The following BBOF1 variants were observed in gnomAD, a reference collection of about 807,000 sequenced individuals.
BBOF1 encodes basal body-orientation factor 1.
Under a neutral mutation model 68.0 loss-of-function variants are expected in BBOF1, and 62 were observed. The observed-to-expected ratio is 0.91, with a 90% confidence interval of 0.74 to 1.13. The LOEUF is 1.13. Ranked by LOEUF, BBOF1 falls within the 50% of genes most tolerant of loss-of-function variation. BBOF1 has a pLI of 0.00. For synonymous variants in BBOF1, 208 were observed against 198.8 expected, an observed-to-expected ratio of 1.05 and a Z score of -0.39; for missense variants, 534 against 600.1, an observed-to-expected ratio of 0.89 and a Z score of 1.15.
intron 9 of BBOF1, among the ~76,000 whole-genome samples, chr14:74,056,238 T>C (rs572818220): frequency 2.9e-4 from 43 of 147,822 alleles, no homozygotes; most frequent in African/African-American, 1.0e-3. Flanking sequence ...TCTCATTCTG[T>C]TGCCCAGGCT....
chr14:74,068,166 C>G (rs921312481), downstream of BBOF1, among the ~76,000 whole-genome samples: 2 of 150,256 alleles, frequency 1.3e-5, no homozygotes, highest in African/African-American at 4.9e-5. Context: ...GGGTGGATCA[C>G]TTGAGGTCAG....
rs754584299 is a variant in BBOF1, at chr14:74,022,897, A to G, written c.57-19A>G. ...TTGTATAAATAGTCATATACTGTCA[A>G]TATCCTCTTCCCATGCAGGAAGTTA... On this transcript the variant is annotated intron_variant, in intron 1 of 11. Coordinates refer to ENST00000394009, the MANE Select transcript of BBOF1 (RefSeq NM_025057.3). 46 of 1,439,046 alleles carry G rather than the reference A, an allele frequency of 3.2e-5. No homozygotes were observed. Among genetic ancestry groups the G allele is most frequent in the Non-Finnish European group, 4.3e-5 (44 of 1,029,834 alleles). The allele number at this position is 1,439,046 out of a possible 1,614,324, so 89.1% of individuals were successfully genotyped here. A position where few individuals can be genotyped will look rare whatever the true frequency, so the allele number is the denominator to read the frequency against.
At chr14:74,081,360 G>A (rs1471912378) in intron 12 of BBOF1, 2 of 152,164 alleles carry the variant, frequency 1.3e-5, no homozygotes, top group Non-Finnish European at 2.9e-5. Flanking sequence ...GTACTCTCAA[G>A]TTGGCAGACA....
At chr14:74,071,055 A>G (rs2060542254), downstream of BBOF1, 10 of 897,262 alleles carry the variant, frequency 1.1e-5, no homozygotes, top group Admixed American at 1.5e-4. Context: ...TGGCAAAATC[A>G]TCAACAAACA....
intron 9 of BBOF1, 48 bp from the exon 10 acceptor site, chr14:74,056,858 G>A (rs766671209): frequency 7.9e-7 from 1 of 1,270,354 alleles, no homozygotes; most frequent in Admixed American, 1.9e-5. Context: ...GAAGGCATGA[G>A]GAGACACTGC....
downstream of BBOF1, chr14:74,067,027 G>T: frequency 1.2e-6 from 1 of 817,038 alleles, no homozygotes; most frequent in Non-Finnish European, 2.0e-6. Flanking sequence ...ACCAGCCTGG[G>T]CAACAAAGTG....
chr14:74,082,378 G>A (rs1297337834), intron 12 of BBOF1, among the ~76,000 whole-genome samples: 2 of 148,666 alleles, frequency 1.3e-5, no homozygotes, highest in Non-Finnish European at 3.0e-5. Flanking sequence ...AATATTCATG[G>A]CTGCCAAAAT....
chr14:74,049,062 C>T (rs2060011488), intron 7 of BBOF1, among the ~76,000 whole-genome samples: 1 of 151,996 alleles, frequency 6.6e-6, no homozygotes, highest in African/African-American at 2.4e-5. Flanking sequence ...TTAGTAGAGA[C>T]AGGGTTTTGC....
At chr14:74,061,227 C>T (rs1165096095) in intron 11 of BBOF1, among the ~76,000 whole-genome samples, 1 of 152,152 alleles carries the variant, frequency 6.6e-6, no homozygotes. Flanking sequence ...ATCCGCCTTC[C>T]TCGGCCTCTC....
rs181083003 is a variant in BBOF1, at chr14:74,020,584, A to G, written c.56+1050A>G. 4.0e-3 allele frequency among the ~76,000 whole-genome samples: 612 copies of G among 151,894 alleles called. 3 individuals are homozygous for G. Among genetic ancestry groups the G allele is most frequent in the Non-Finnish European group, 5.0e-3 (342 of 67,940 alleles). ...AATGGCACGATCTCAGCTCACTGCA[A>G]CCTCTGCCTTCTGGGTTCAACCAAT... On this transcript the variant is annotated intron_variant, in intron 1 of 11. Transcript: ENST00000394009.
At chr14:74,029,682 C>CAA (rs1179777105) in intron 3 of BBOF1, among the ~76,000 whole-genome samples, 1,037 of 104,358 alleles carry the variant, frequency 9.9e-3, no homozygotes, top group Non-Finnish European at 0.018. Context: ...AACTTCATCT[C>CAA]AAAAAAAAAA....
chr14:74,070,795 C>T (rs138459696), downstream of BBOF1: 6 of 213,748 alleles, frequency 2.8e-5, no homozygotes, highest in Non-Finnish European at 4.7e-5. Context: ...GCACTAGGAA[C>T]GGTGCCTGAA....
chr14:74,023,805 A>G (rs1595003975), intron 2 of BBOF1, among the ~76,000 whole-genome samples: 1 of 151,716 alleles, frequency 6.6e-6, no homozygotes, highest in East Asian at 1.9e-4. Context: ...AGTCCCAGCT[A>G]CTCGGGAGGC....
chr14:74,079,185 A>T (rs1421137393), intron 10 of BBOF1, among the ~76,000 whole-genome samples: 1 of 151,596 alleles, frequency 6.6e-6, no homozygotes, highest in East Asian at 1.9e-4. Context: ...GGCACATGTT[A>T]AAAAAAGGTG....
At chr14:74,063,321 G>A (rs969413272) in intron 11 of BBOF1, among the ~76,000 whole-genome samples, 1 of 151,612 alleles carries the variant, frequency 6.6e-6, no homozygotes, top group African/African-American at 2.4e-5. Context: ...CGAGTAGCTG[G>A]GATTATAGGC....
rs61144661 is a variant in BBOF1 at position 74,052,357 on chromosome 14, C to A, written c.1286+2162C>A. Among the ~76,000 whole-genome samples the A allele has an allele frequency of 2.1e-3, 320 of 151,640 alleles. 10 individuals are homozygous for A. Among genetic ancestry groups the A allele is most frequent in the African/African-American group, 7.2e-3 (294 of 41,098 alleles). ...GGCAGAAATGGTGGTTAACATATTA[C>A]ATCATCGGGCTGGGCGCAGTGGCTC... On this transcript the variant is annotated intron_variant, in intron 8 of 11. Transcript: ENST00000394009.
At position 74,065,321 on chromosome 14, in the gene BBOF1, C is replaced by T. The variant is rs1372046241; in HGVS notation, c.*622C>T. 6.2e-7 allele frequency: 1 copy of T among 1,614,080 alleles called. No individual in the cohort carries two copies. The highest frequency in any genetic ancestry group is 8.5e-7 in the Non-Finnish European group (1 of 1,180,004). ...GTTTCTGTCTCCAGAACCACAAGAA[C>T]TGGACCAAAAATCTCCTCTTTGTAA... On this transcript the variant is annotated 3_prime_UTR_variant, in exon 12 of 12. Transcript: ENST00000394009.
At chr14:74,054,339 G>T (rs1380427979) in intron 8 of BBOF1, among the ~76,000 whole-genome samples, 1 of 149,198 alleles carries the variant, frequency 6.7e-6, no homozygotes. Flanking sequence ...TGTTCCCTTT[G>T]TCTGTGTCTC....
intron 5 of BBOF1, among the ~76,000 whole-genome samples, chr14:74,043,481 C>T (rs960020266): frequency 7.7e-6 from 1 of 129,804 alleles, no homozygotes; most frequent in African/African-American, 2.9e-5. Context: ...ACCCGGGAAG[C>T]GGAGCTTGCA....
Sources: gnomAD v4.1 joint callset for allele counts (sites outside exome capture counted in the v4.1 genomes callset) on GRCh38, gnomAD v4.1.1 for gene constraint, MANE v1.5 for transcripts, NCBI Gene and HGNC (gene_info 2026-07-23, HGNC 2026-07-21) for gene names.